Variants in ZYG11A observed in about 807,000 individuals in gnomAD.
ZYG11A encodes protein zyg-11 homolog A.
ZYG11A carries 62 observed loss-of-function variants against 77.2 expected under a neutral mutation model. That is an observed-to-expected ratio of 0.80 (90% confidence interval 0.65 to 0.99). The LOEUF (loss-of-function observed/expected upper bound fraction) is 0.99. Ranked by LOEUF, ZYG11A falls within the 50% of genes least tolerant of loss-of-function variation. The pLI, the probability that ZYG11A is intolerant of heterozygous loss-of-function variation, is 0.00. For synonymous variants in ZYG11A, 315 were observed against 324.6 expected (o/e 0.97, Z 0.32); for missense variants, 828 against 896.8 (o/e 0.92, Z 0.98).
intron 4 of ZYG11A, among the ~76,000 whole-genome samples, chr1:52,862,554 C>T (rs545710591): frequency 1.4e-3 from 208 of 151,978 alleles, no homozygotes; most frequent in African/African-American, 4.1e-3. Context: ...CCTCGTGATC[C>T]GCCCGCATTG....
At position 52,894,904 on chromosome 1, in the gene ZYG11A, A is replaced by G. The variant is rs1190289750; in HGVS notation, c.*1947A>G. On this transcript the variant is annotated 3_prime_UTR_variant, in exon 14 of 14. Coordinates refer to ENST00000371528, the MANE Select transcript of ZYG11A (RefSeq NM_001004339.3). ...TAGGGGAACTAGTGTGTTAAGTCCA[A>G]TTCTGTACAAGACATCCTTTCAAGT... is the stretch of plus-strand genomic sequence containing the variant. The G allele has an allele frequency of 1.3e-5, 2 of 152,334 alleles. No individual in the cohort carries two copies. Among genetic ancestry groups the G allele is most frequent in the Non-Finnish European group, 1.5e-5 (1 of 68,030 alleles). 9.4% of individuals were successfully genotyped at this position (152,334 alleles called of 1,614,324 possible). A position where few individuals can be genotyped will look rare whatever the true frequency, so the allele number is the denominator to read the frequency against.
At chr1:52,884,443 C>T (rs1646412675) in intron 11 of ZYG11A, among the ~76,000 whole-genome samples, 2 of 150,836 alleles carry the variant, frequency 1.3e-5, no homozygotes. Context: ...TTGCAGTGAG[C>T]CGAGATCGTG....
intron 1 of ZYG11A, among the ~76,000 whole-genome samples, chr1:52,846,952 A>T (rs1645598452): frequency 6.7e-6 from 1 of 148,800 alleles, no homozygotes; most frequent in East Asian, 2.0e-4. Context: ...GGTTCACGCC[A>T]TTCTCCTGCC....
chr1:52,867,600 AC>A lies in ZYG11A; in HGVS notation c.1454del (p.Thr485LysfsTer4). 6.4e-7 allele frequency: 1 copy of A among 1,552,340 alleles called. No homozygotes were observed. Among genetic ancestry groups the A allele is most frequent in the Non-Finnish European group, 8.7e-7 (1 of 1,147,126 alleles). On this transcript the variant is annotated frameshift_variant, in exon 7 of 14. Coordinates refer to ENST00000371528, the MANE Select transcript of ZYG11A (RefSeq NM_001004339.3). LOFTEE classifies it high-confidence loss of function. ...LCKHENPKMQ[T>X]MAVSVTSILA... The stretch of plus-strand genomic sequence containing the variant: ...TAAGCATGAAAACCCCAAGATGCAA[AC>A]AATGGCAGTGAGTGTCACCTCTATT...
At chr1:52,874,631 C>T (rs959091582) in intron 8 of ZYG11A, among the ~76,000 whole-genome samples, 3 of 152,148 alleles carry the variant, frequency 2.0e-5, no homozygotes, top group Non-Finnish European at 4.4e-5. Flanking sequence ...ACTTAGAAGG[C>T]TGAGGCAGGC....
intron 8 of ZYG11A, among the ~76,000 whole-genome samples, chr1:52,868,872 G>A (rs1404852589): frequency 6.7e-6 from 1 of 149,880 alleles, no homozygotes; most frequent in Non-Finnish European, 1.5e-5. Context: ...TTTTTTTCTC[G>A]TTGCTCATGC....
At chr1:52,861,879 A>G (rs1645933961) in intron 4 of ZYG11A, among the ~76,000 whole-genome samples, 1 of 152,056 alleles carries the variant, frequency 6.6e-6, no homozygotes, top group African/African-American at 2.4e-5. Context: ...AACATTAGTA[A>G]GACCCTGTCT....
chr1:52,860,964 C>T (rs1270560052), intron 4 of ZYG11A, 93 bp downstream of exon 4: 1 of 1,261,450 alleles, frequency 7.9e-7, no homozygotes, highest in Non-Finnish European at 1.1e-6. Context: ...AAATTATATG[C>T]TTTATTCTAT....
intron 1 of ZYG11A, among the ~76,000 whole-genome samples, chr1:52,847,461 A>G (rs1404194753): frequency 1.3e-5 from 2 of 151,016 alleles, no homozygotes; most frequent in Non-Finnish European, 2.9e-5. Flanking sequence ...TGGCCTCCCA[A>G]AGTGCTAGGA....
At chr1:52,861,737 T>C (rs947884395) in intron 4 of ZYG11A, among the ~76,000 whole-genome samples, 3 of 152,078 alleles carry the variant, frequency 2.0e-5, no homozygotes. Context: ...TAACTTTATT[T>C]ACAGCTCAAA....
chr1:52,851,173 TA>T (rs1204157480), intron 1 of ZYG11A, among the ~76,000 whole-genome samples: 1 of 151,978 alleles, frequency 6.6e-6, no homozygotes, highest in Non-Finnish European at 1.5e-5. Flanking sequence ...GCTCCCCAGG[TA>T]GCTGGGACTC....
At chr1:52,878,656 C>T (rs1395830799) in intron 10 of ZYG11A, among the ~76,000 whole-genome samples, 1 of 151,932 alleles carries the variant, frequency 6.6e-6, no homozygotes. Flanking sequence ...AACTCAAACT[C>T]GGCCAGGCAC....
chr1:52,847,539 T>C (rs2149984157), intron 1 of ZYG11A, among the ~76,000 whole-genome samples: 1 of 152,206 alleles, frequency 6.6e-6, no homozygotes, highest in African/African-American at 2.4e-5. Context: ...TAAAGAACTT[T>C]TAATATTTCT....
At chr1:52,886,296 G>A (rs1646449655) in intron 12 of ZYG11A, among the ~76,000 whole-genome samples, 1 of 152,112 alleles carries the variant, frequency 6.6e-6, no homozygotes, top group South Asian at 2.1e-4. Context: ...GAGTCAGTTA[G>A]CCTTATGTTC....
intron 3 of ZYG11A, among the ~76,000 whole-genome samples, chr1:52,858,727 C>T (rs1444373943): frequency 1.3e-5 from 2 of 151,996 alleles, no homozygotes; most frequent in African/African-American, 2.4e-5. Flanking sequence ...ATTCTCCTGC[C>T]TCAGCTTCCC....
intron 4 of ZYG11A, among the ~76,000 whole-genome samples, chr1:52,862,441 A>G (rs1645947386): frequency 6.6e-6 from 1 of 150,404 alleles, no homozygotes; most frequent in Non-Finnish European, 1.5e-5. Context: ...CCTCCCAAGT[A>G]GCTGGGACTA....
At chr1:52,874,274 TTCTC>T (rs766594834) in intron 8 of ZYG11A, among the ~76,000 whole-genome samples, 3 of 152,116 alleles carry the variant, frequency 2.0e-5, no homozygotes, top group Admixed American at 6.5e-5. Context: ...GGTAGAGTCT[TTCTC>T]TGTTGCCCAG....
intron 11 of ZYG11A, among the ~76,000 whole-genome samples, chr1:52,882,990 A>C (rs946472182): frequency 6.9e-6 from 1 of 144,668 alleles, no homozygotes; most frequent in Non-Finnish European, 1.5e-5. Context: ...TCATCTTTTC[A>C]TATCTAGCTC....
At chr1:52,847,988 G>T (rs1157344578) in intron 1 of ZYG11A, among the ~76,000 whole-genome samples, 1 of 152,060 alleles carries the variant, frequency 6.6e-6, no homozygotes, top group Non-Finnish European at 1.5e-5. Flanking sequence ...TCCTGCCCCA[G>T]CCTCCTAAGT....
Sources: gnomAD v4.1 joint callset for allele counts (sites outside exome capture counted in the v4.1 genomes callset) on GRCh38, gnomAD v4.1.1 for gene constraint, MANE v1.5 for transcripts, NCBI Gene and HGNC (gene_info 2026-07-23, HGNC 2026-07-21) for gene names.